Variants in KCTD20 observed in about 807,000 individuals in gnomAD.
KCTD20 encodes the protein BTB/POZ domain-containing protein KCTD20.
A neutral mutation model predicts 39.6 loss-of-function variants in KCTD20; 30 were observed. The observed-to-expected ratio is 0.76, with a 90% confidence interval of 0.57 to 1.03. The LOEUF is 1.03. KCTD20 is among the 50% of genes least tolerant of loss of function. The pLI is 0.00. For synonymous variants in KCTD20, 162 were observed against 180.6 expected, an observed-to-expected ratio of 0.90 and a Z score of 0.83; for missense variants, 422 against 522.0, an observed-to-expected ratio of 0.81 and a Z score of 1.87.
chr6:36,461,713 T>C (rs1012295521), intron 1 of KCTD20, among the ~76,000 whole-genome samples: 1 of 152,216 alleles, frequency 6.6e-6, no homozygotes, highest in Non-Finnish European at 1.5e-5. Flanking sequence ...AGTTAAAAGC[T>C]GTCTTTCATC....
chr6:36,445,830 C>A (rs1304042384), intron 1 of KCTD20, among the ~76,000 whole-genome samples: 2 of 152,000 alleles, frequency 1.3e-5, no homozygotes, highest in African/African-American at 4.8e-5. Flanking sequence ...GAGAGACTTT[C>A]ATATGACTAC....
intron 1 of KCTD20, chr6:36,465,662 G>A (rs1775729732): frequency 6.6e-6 from 1 of 152,126 alleles, no homozygotes; most frequent in Non-Finnish European, 1.5e-5. Context: ...TTCCAAGATG[G>A]GGAGATGATG....
At chr6:36,478,111 G>GAA (rs1776129581) in intron 3 of KCTD20, among the ~76,000 whole-genome samples, 4 of 133,388 alleles carry the variant, frequency 3.0e-5, no homozygotes, top group Non-Finnish European at 6.3e-5. Flanking sequence ...AAAAAGAAAA[G>GAA]AAAAGCAGCC....
At chr6:36,484,645 T>C in intron 6 of KCTD20, 69 bp from the exon 7 acceptor site, 1 of 725,436 alleles carries the variant, frequency 1.4e-6, no homozygotes. Flanking sequence ...ATTAGTTTGA[T>C]TTTGTTAGCT....
chr6:36,484,075 G>A (rs558621223), intron 6 of KCTD20, among the ~76,000 whole-genome samples: 2 of 152,024 alleles, frequency 1.3e-5, no homozygotes, highest in Admixed American at 6.5e-5. Flanking sequence ...GAGTAGCTGG[G>A]ATTACAGGCA....
chr6:36,456,382 G>A (rs1026984495), intron 1 of KCTD20, among the ~76,000 whole-genome samples: 4 of 152,052 alleles, frequency 2.6e-5, no homozygotes, highest in African/African-American at 7.2e-5. Context: ...GGGTTCAAGC[G>A]ATTCTCCTGC....
chr6:36,445,265 A>AC (rs1775006436), intron 1 of KCTD20, among the ~76,000 whole-genome samples: 1 of 151,718 alleles, frequency 6.6e-6, no homozygotes, highest in Non-Finnish European at 1.5e-5. Flanking sequence ...CCGTCTCAAA[A>AC]AAAAAAAAAA....
intron 1 of KCTD20, among the ~76,000 whole-genome samples, chr6:36,454,177 T>A (rs1269785853): frequency 6.6e-6 from 1 of 152,346 alleles, no homozygotes; most frequent in African/African-American, 2.4e-5. Flanking sequence ...TTATGAATGA[T>A]GTTATTCAAA....
In KCTD20 at chr6:36,475,064, T is replaced by G; in HGVS notation, c.434+2T>G. On this transcript the variant is annotated splice_donor_variant, in intron 3 of 7. Transcript: ENST00000373731. LOFTEE classifies it high-confidence loss of function. The stretch of plus-strand genomic sequence containing the variant: ...TCATCCGGATACCATGCTGGGAAGG[T>G]AACTGATGATAATTTTCTTCCAAAT... 6.2e-7 allele frequency: 1 copy of G among 1,607,792 alleles called. No homozygotes were observed. Among genetic ancestry groups the G allele is most frequent in the Non-Finnish European group, 8.5e-7 (1 of 1,177,358 alleles).
intron 2 of KCTD20, among the ~76,000 whole-genome samples, chr6:36,473,789 A>T (rs918563784): frequency 6.6e-6 from 1 of 152,098 alleles, no homozygotes; most frequent in African/African-American, 2.4e-5. Flanking sequence ...AATAAAAAAT[A>T]AAAAAAGGAA....
Position 36,484,730 on chromosome 6 carries a change from G to A in KCTD20, c.873G>A (p.Lys291=). The change falls in exon 7 of 8, where the codon AAG becomes AAA. Residue 291 remains lysine (K), a synonymous_variant. Coordinates refer to ENST00000373731, the MANE Select transcript of KCTD20 (RefSeq NM_173562.5). ...EEYSQILYSS[K]LYRFFKYIEN... ...CTTTTTCAGTTCTTTATAGCTCCAA[G>A]CTCTACAGATTCTTCAAATATATTG... 4 of 1,582,902 alleles carry A rather than the reference G, an allele frequency of 2.5e-6. No individual in the cohort carries two copies. The highest frequency in any genetic ancestry group is 3.5e-6 in the Non-Finnish European group (4 of 1,158,026).
At chr6:36,486,341 A>G (rs1374095302) in intron 7 of KCTD20, among the ~76,000 whole-genome samples, 2 of 152,228 alleles carry the variant, frequency 1.3e-5, no homozygotes, top group Non-Finnish European at 2.9e-5. Flanking sequence ...TATTTAATAG[A>G]TAACGGCCTC....
chr6:36,483,834 T>A (rs1776335940), intron 6 of KCTD20, among the ~76,000 whole-genome samples: 1 of 152,026 alleles, frequency 6.6e-6, no homozygotes, highest in African/African-American at 2.4e-5. Flanking sequence ...ACAGTGTTTT[T>A]AAAACTTTTA....
At position 36,490,811 on chromosome 6, in the gene KCTD20, G is replaced by C. The variant is rs943014771; in HGVS notation, c.*3636G>C. The C allele has an allele frequency of 8.5e-5, 13 of 152,238 alleles. 1 individual carries two copies. Among genetic ancestry groups the C allele is most frequent in the African/African-American group, 3.1e-4 (13 of 41,456 alleles). The allele number at this position is 152,238 out of a possible 1,614,324, so 9.4% of individuals were successfully genotyped here. A position where few individuals can be genotyped will look rare whatever the true frequency, so the allele number is the denominator to read the frequency against. Reference sequence around the variant, plus strand: ...GATGACGCTACTGCACTCCAGCCTGGATGACAGGGCAAGACCCTGTCTCAA... The same window carrying C: ...GATGACGCTACTGCACTCCAGCCTGCATGACAGGGCAAGACCCTGTCTCAA... On this transcript the variant is annotated 3_prime_UTR_variant, in exon 8 of 8. Transcript: ENST00000373731.
In KCTD20 at chr6:36,479,083, G is replaced by C. The variant is rs756622500; in HGVS notation, c.435-38G>C. ...AGAAATCTCATCTGTGAAGAATCAT[G>C]ATGGAGAAGATAACATTATTGCCTG... On this transcript the variant is annotated intron_variant, in intron 3 of 7. Coordinates refer to ENST00000373731, the MANE Select transcript of KCTD20 (RefSeq NM_173562.5). 8.4e-6 allele frequency: 11 copies of C among 1,302,942 alleles called. No homozygotes were observed. In the African/African-American group the frequency reaches 8.8e-5, roughly 10 times the overall value. 80.7% of individuals were successfully genotyped at this position (1,302,942 alleles called of 1,614,324 possible).
At chr6:36,448,058 T>C (rs1183352066) in intron 1 of KCTD20, among the ~76,000 whole-genome samples, 1 of 148,148 alleles carries the variant, frequency 6.8e-6, no homozygotes, top group Non-Finnish European at 1.5e-5. Flanking sequence ...ACTGAGGTTT[T>C]ATGATAAGTA....
At chr6:36,483,878 G>A (rs908900145) in intron 6 of KCTD20, among the ~76,000 whole-genome samples, 8 of 151,662 alleles carry the variant, frequency 5.3e-5, no homozygotes, top group Admixed American at 4.6e-4. Flanking sequence ...AAAAAAAAAC[G>A]GCAGAATCTC....
intron 1 of KCTD20, among the ~76,000 whole-genome samples, chr6:36,466,957 T>A (rs903339713): frequency 6.6e-6 from 1 of 152,106 alleles, no homozygotes; most frequent in Admixed American, 6.5e-5. Flanking sequence ...AAATAGAGTT[T>A]ATAGGGGACT....
chr6:36,482,422 G>A (rs1368187691), intron 6 of KCTD20, among the ~76,000 whole-genome samples: 3 of 152,150 alleles, frequency 2.0e-5, no homozygotes, highest in African/African-American at 2.4e-5. Context: ...GCATGGTGGC[G>A]TGCGCCTGTA....
Sources: allele counts gnomAD v4.1 joint callset (sites outside exome capture counted in the v4.1 genomes callset), GRCh38; gene constraint gnomAD v4.1.1; transcripts MANE v1.5; gene names NCBI Gene and HGNC (gene_info 2026-07-23, HGNC 2026-07-21).